The following C3orf70 variants were observed in gnomAD, a reference collection of about 807,000 sequenced individuals.
C3orf70 encodes the protein UPF0524 protein C3orf70.
Under a neutral mutation model 20.7 loss-of-function variants are expected in C3orf70, and 15 were observed. That is an observed-to-expected ratio of 0.72 (90% CI 0.48 to 1.11). C3orf70 has a LOEUF of 1.11. C3orf70 is among the 50% of genes most tolerant of loss of function. C3orf70 has a pLI of 0.00. For missense variants in C3orf70, 332 were observed against 317.6 expected (o/e 1.05, Z -0.34); for synonymous variants, 161 against 125.7 (o/e 1.28, Z -1.88).
chr3:185,145,644 C>T (rs571661055), intron 1 of C3orf70, among the ~76,000 whole-genome samples: 55 of 152,246 alleles, frequency 3.6e-4, no homozygotes, highest in Middle Eastern at 3.4e-3. Flanking sequence ...ACCAAGAAAC[C>T]GACAGCCCTG....
chr3:185,125,551 A>C (rs1033183567), intron 1 of C3orf70, among the ~76,000 whole-genome samples: 3 of 152,226 alleles, frequency 2.0e-5, no homozygotes, highest in African/African-American at 4.8e-5. Flanking sequence ...AATGCATGCA[A>C]ATATTTATAG....
chr3:185,150,185 T>C (rs1260783820), intron 1 of C3orf70, among the ~76,000 whole-genome samples: 1 of 152,172 alleles, frequency 6.6e-6, no homozygotes, highest in Non-Finnish European at 1.5e-5. Flanking sequence ...TAGGTAATTG[T>C]TTGAACAATC....
intron 1 of C3orf70, among the ~76,000 whole-genome samples, chr3:185,115,627 C>T (rs1716158818): frequency 1.3e-5 from 2 of 152,136 alleles, no homozygotes; most frequent in African/African-American, 2.4e-5. Flanking sequence ...GTGAGCCAAC[C>T]AAAGGTAATG....
chr3:185,077,675 T>C lies in C3orf70; in HGVS notation c.*5332A>G, dbSNP rs1369693249. On this transcript the variant is annotated 3_prime_UTR_variant, in exon 2 of 2. Coordinates refer to ENST00000335012, the MANE Select transcript of C3orf70 (RefSeq NM_001025266.3). Reference sequence around the variant, plus strand: ...CCCCAAGCTCTGCCGGGCAGCAGCCTCCCTCGATGCCTGATCTTCAGTTAG... The same window carrying C: ...CCCCAAGCTCTGCCGGGCAGCAGCCCCCCTCGATGCCTGATCTTCAGTTAG... Among the ~76,000 whole-genome samples the C allele has an allele frequency of 6.6e-6, 1 of 151,390 alleles. No homozygotes were observed. The highest frequency in any genetic ancestry group is 1.5e-5 in the Non-Finnish European group (1 of 67,884).
intron 1 of C3orf70, among the ~76,000 whole-genome samples, chr3:185,085,573 G>A (rs1464914197): frequency 6.6e-6 from 1 of 152,200 alleles, no homozygotes; most frequent in East Asian, 1.9e-4. Context: ...CCCGCAGTCT[G>A]ATAAAAACGC....
chr3:185,104,043 G>C (rs1181913617), intron 1 of C3orf70, among the ~76,000 whole-genome samples: 4 of 152,190 alleles, frequency 2.6e-5, no homozygotes, highest in African/African-American at 9.7e-5. Context: ...TCAGATAAGA[G>C]AAGTTACTCA....
chr3:185,135,593 A>G (rs1716608497), intron 1 of C3orf70, among the ~76,000 whole-genome samples: 1 of 152,254 alleles, frequency 6.6e-6, no homozygotes, highest in African/African-American at 2.4e-5. Context: ...GAGTAGCGTA[A>G]CTATAGTTAA....
chr3:185,113,594 T>C (rs1180966729), intron 1 of C3orf70, among the ~76,000 whole-genome samples: 1 of 152,206 alleles, frequency 6.6e-6, no homozygotes, highest in Non-Finnish European at 1.5e-5. Flanking sequence ...ATAATCCTAT[T>C]CATTAGTCTT....
intron 1 of C3orf70, among the ~76,000 whole-genome samples, chr3:185,092,238 T>G (rs1022882166): frequency 1.3e-5 from 2 of 152,078 alleles, no homozygotes; most frequent in Non-Finnish European, 2.9e-5. Flanking sequence ...TCTGGTGCAC[T>G]GTAAACATTC....
In C3orf70 at chr3:185,077,287, A is replaced by T. The variant is rs16859574; in HGVS notation, c.*5720T>A. Among the ~76,000 whole-genome samples the T allele has an allele frequency of 6.6e-6, 1 of 152,070 alleles. No homozygotes were observed. The highest frequency in any genetic ancestry group is 1.5e-5 in the Non-Finnish European group (1 of 68,020). ...GGGTTAGGGGGATGGAGTAATGCAG[A>T]CAATGGGCCAAGAGTGCGGACTCTA... On this transcript the variant is annotated 3_prime_UTR_variant, in exon 2 of 2. Transcript: ENST00000335012.
chr3:185,128,697 C>T (rs1297879247), intron 1 of C3orf70, among the ~76,000 whole-genome samples: 2 of 152,194 alleles, frequency 1.3e-5, no homozygotes, highest in Non-Finnish European at 2.9e-5. Context: ...TCAGTTTCCT[C>T]ATTTTATGTA....
intron 1 of C3orf70, among the ~76,000 whole-genome samples, chr3:185,100,261 A>G (rs1246609526): frequency 2.0e-5 from 3 of 152,230 alleles, no homozygotes; most frequent in Non-Finnish European, 4.4e-5. Flanking sequence ...TCATTGCCAC[A>G]TGAAACATAC....
Position 185,082,961 on chromosome 3 carries a change from C to T in C3orf70, c.*46G>A. ...AAAAAGGATCCACCAGACAAAGGTA[C>T]AAAAGCTCGGCGTGGGTCCGAGGCT... On this transcript the variant is annotated 3_prime_UTR_variant, in exon 2 of 2. Transcript: ENST00000335012. 1 of 1,566,992 alleles carries T rather than the reference C, an allele frequency of 6.4e-7. No individual in the cohort carries two copies. The highest frequency in any genetic ancestry group is 8.7e-7 in the Non-Finnish European group (1 of 1,155,494).
Position 185,083,287 on chromosome 3 carries a change from C to A in C3orf70, c.473G>T (p.Ser158Ile), listed in dbSNP as rs1368368796. The change falls in exon 2 of 2, where the codon AGC becomes ATC. Residue 158 changes from serine to isoleucine, a missense_variant. By Grantham distance (142) the Ser-to-Ile change is moderately radical (BLOSUM62 -2). Transcript: ENST00000335012. ...ATCGTGTGCAGAGACCTCCTCAGGGCTCATTCTGTGGGAATGTGGTGCCGG... is the reference window on the plus strand; with the variant it reads ...ATCGTGTGCAGAGACCTCCTCAGGGATCATTCTGTGGGAATGTGGTGCCGG... ...KQPAPHSHRM[S>I]PEEVSAHDAL... 2 of 1,614,098 alleles carry A rather than the reference C, an allele frequency of 1.2e-6. No individual in the cohort carries two copies. The highest frequency in any genetic ancestry group is 1.7e-6 in the Non-Finnish European group (2 of 1,180,054).
chr3:185,100,131 T>C (rs571539331), intron 1 of C3orf70, among the ~76,000 whole-genome samples: 37 of 152,174 alleles, frequency 2.4e-4, no homozygotes, highest in Non-Finnish European at 4.3e-4. Context: ...ACCAACAGTA[T>C]TAGATCACCG....
intron 1 of C3orf70, among the ~76,000 whole-genome samples, chr3:185,140,801 A>G (rs545584914): frequency 1.3e-5 from 2 of 150,806 alleles, no homozygotes; most frequent in East Asian, 3.9e-4. Flanking sequence ...AAAAAAAAAA[A>G]AAAGAAAAAT....
rs1156291045 is a variant in C3orf70, at chr3:185,079,974, T to C, written c.*3033A>G. ...AGTATCAGCGTTACAGAGAATTCCTTCACATAATATAGAACAGGCCTAGAA... is the reference window on the plus strand; with the variant it reads ...AGTATCAGCGTTACAGAGAATTCCTCCACATAATATAGAACAGGCCTAGAA... On this transcript the variant is annotated 3_prime_UTR_variant, in exon 2 of 2. Transcript: ENST00000335012. 2.0e-5 allele frequency: 3 copies of C among 152,678 alleles called. 1 individual carries two copies. In the South Asian group the frequency reaches 6.2e-4, roughly 32 times the overall value. 9.5% of individuals were successfully genotyped at this position (152,678 alleles called of 1,614,324 possible). A position where few individuals can be genotyped will look rare whatever the true frequency, so the allele number is the denominator to read the frequency against.
intron 1 of C3orf70, among the ~76,000 whole-genome samples, chr3:185,131,463 C>T (rs1341017651): frequency 6.6e-6 from 1 of 152,166 alleles, no homozygotes; most frequent in Non-Finnish European, 1.5e-5. Flanking sequence ...TCTTATTTTA[C>T]TGAATTCATA....
chr3:185,116,708 T>C (rs1413556827), intron 1 of C3orf70, among the ~76,000 whole-genome samples: 3 of 152,154 alleles, frequency 2.0e-5, no homozygotes, highest in African/African-American at 7.2e-5. Context: ...AAAAATGACC[T>C]GTTGAAAAGC....
Sources: allele counts gnomAD v4.1 joint callset (sites outside exome capture counted in the v4.1 genomes callset), GRCh38; gene constraint gnomAD v4.1.1; transcripts MANE v1.5; gene names NCBI Gene and HGNC (gene_info 2026-07-23, HGNC 2026-07-21).